The following CDH13 variants were observed in gnomAD, a reference collection of about 807,000 sequenced individuals.
CDH13 encodes the protein cadherin-13.
CDH13 carries 24 observed loss-of-function variants against 63.8 expected under a neutral mutation model. That is an observed-to-expected ratio of 0.38 (90% CI 0.27 to 0.53). The LOEUF is 0.53. Among genes scored for constraint, CDH13 ranks in the 20% least tolerant of loss-of-function variants. The pLI is 0.85. For synonymous variants in CDH13, 503 were observed against 355.3 expected (o/e 1.42, Z -4.67); for missense variants, 1,049 against 903.1 (o/e 1.16, Z -2.07).
chr16:83,215,692 G>A (rs1272171960), intron 4 of CDH13, among the ~76,000 whole-genome samples: 1 of 152,044 alleles, frequency 6.6e-6, no homozygotes. Context: ...TTAGGAGAGG[G>A]CAGGTTTCCT....
intron 5 of CDH13, among the ~76,000 whole-genome samples, chr16:83,331,583 T>A (rs9652671): frequency 0.4 from 60,932 of 152,096 alleles, 12,528 homozygotes; most frequent in East Asian, 0.48. Context: ...TTTTTTAACT[T>A]TGAAATTAAC....
At chr16:83,782,340 G>A (rs1008038624) in intron 12 of CDH13, among the ~76,000 whole-genome samples, 5 of 152,110 alleles carry the variant, frequency 3.3e-5, no homozygotes, top group African/African-American at 9.7e-5. Flanking sequence ...TATTGCCACC[G>A]CACATGACAT....
intron 11 of CDH13, among the ~76,000 whole-genome samples, chr16:83,779,098 C>G (rs1025414332): frequency 6.6e-6 from 1 of 152,054 alleles, no homozygotes; most frequent in Non-Finnish European, 1.5e-5. Context: ...AGTATTAAGC[C>G]TAAAGAACTT....
At chr16:82,665,142 C>G (rs1912435660) in intron 1 of CDH13, among the ~76,000 whole-genome samples, 1 of 152,138 alleles carries the variant, frequency 6.6e-6, no homozygotes, top group Admixed American at 6.5e-5. Context: ...ATACTACAAA[C>G]AAATATCCTT....
chr16:83,705,805 A>G (rs1298336222), intron 10 of CDH13, among the ~76,000 whole-genome samples: 1 of 152,168 alleles, frequency 6.6e-6, no homozygotes, highest in African/African-American at 2.4e-5. Flanking sequence ...AGAGGAGGGA[A>G]TGTTGGGTCA....
At chr16:82,770,927 T>G (rs1248543609) in intron 1 of CDH13, among the ~76,000 whole-genome samples, 1 of 152,184 alleles carries the variant, frequency 6.6e-6, no homozygotes, top group African/African-American at 2.4e-5. Context: ...AGGCTGGTCT[T>G]GAACTACTAA....
intron 2 of CDH13, among the ~76,000 whole-genome samples, chr16:83,021,899 G>A (rs1915381860): frequency 6.6e-6 from 1 of 152,190 alleles, no homozygotes; most frequent in Admixed American, 6.5e-5. Flanking sequence ...CAAGTCTGTA[G>A]GGTGTGCTTC....
At chr16:83,777,522 G>C (rs563519586) in intron 11 of CDH13, among the ~76,000 whole-genome samples, 1 of 152,250 alleles carries the variant, frequency 6.6e-6, no homozygotes, top group Admixed American at 6.5e-5. Context: ...GGACACAGCT[G>C]CTGCTGTAAA....
chr16:82,853,946 GC>G (rs1452133519), intron 1 of CDH13, among the ~76,000 whole-genome samples: 1 of 152,196 alleles, frequency 6.6e-6, no homozygotes, highest in African/African-American at 2.4e-5. Flanking sequence ...GAAAGGGCTT[GC>G]CTGGTTTTGG....
intron 5 of CDH13, among the ~76,000 whole-genome samples, chr16:83,313,322 A>G (rs1039737740): frequency 1.3e-5 from 2 of 152,138 alleles, no homozygotes; most frequent in Non-Finnish European, 2.9e-5. Context: ...GAAATTGTGG[A>G]TTCTGCAAAT....
intron 1 of CDH13, among the ~76,000 whole-genome samples, chr16:82,770,581 T>C (rs1041111383): frequency 2.0e-5 from 3 of 152,260 alleles, no homozygotes; most frequent in Non-Finnish European, 4.4e-5. Context: ...CTTTGAGTTA[T>C]ATTGACATTC....
At chr16:83,589,690 T>C (rs940885787) in intron 7 of CDH13, among the ~76,000 whole-genome samples, 1 of 152,078 alleles carries the variant, frequency 6.6e-6, no homozygotes, top group African/African-American at 2.4e-5. Flanking sequence ...GAACCTGACA[T>C]TGAGCATCTC....
chr16:83,165,447 C>G (rs1377088544), intron 4 of CDH13, among the ~76,000 whole-genome samples: 2 of 152,060 alleles, frequency 1.3e-5, no homozygotes, highest in African/African-American at 2.4e-5. Flanking sequence ...TTATGCAAAA[C>G]CTATTAACAT....
At chr16:83,703,024 A>C (rs1452825956) in intron 10 of CDH13, among the ~76,000 whole-genome samples, 1 of 152,188 alleles carries the variant, frequency 6.6e-6, no homozygotes, top group Admixed American at 6.5e-5. Flanking sequence ...TGCCTCTGCT[A>C]TGGAGCCTAT....
intron 2 of CDH13, among the ~76,000 whole-genome samples, chr16:82,898,145 TGGTC>T (rs2041332308): frequency 6.6e-6 from 1 of 152,274 alleles, no homozygotes; most frequent in African/African-American, 2.4e-5. Flanking sequence ...TGATAGTTTT[TGGTC>T]ATATAATGTT....
chr16:83,194,333 A>C (rs1460946264), intron 4 of CDH13, among the ~76,000 whole-genome samples: 1 of 152,242 alleles, frequency 6.6e-6, no homozygotes, highest in African/African-American at 2.4e-5. Context: ...TTAGCAGCGC[A>C]GATCCAGCGT....
At chr16:83,759,936 T>TAAAAAAAA (rs11329988) in intron 11 of CDH13, among the ~76,000 whole-genome samples, 20 of 133,356 alleles carry the variant, frequency 1.5e-4, no homozygotes, top group African/African-American at 2.3e-4. Flanking sequence ...TCAAAACCAA[T>TAAAAAAAA]AAAAAAAAAA....
At chr16:82,795,473 A>G (rs1305341741) in intron 1 of CDH13, among the ~76,000 whole-genome samples, 1 of 152,198 alleles carries the variant, frequency 6.6e-6, no homozygotes, top group Non-Finnish European at 1.5e-5. Context: ...AACAGTGACA[A>G]CTAACATTTT....
At chr16:83,158,277 G>A (rs948738315) in intron 4 of CDH13, among the ~76,000 whole-genome samples, 1 of 152,130 alleles carries the variant, frequency 6.6e-6, no homozygotes. Context: ...CAACAAGATT[G>A]TTTCCTGCTC....
Sources: allele counts gnomAD v4.1 joint callset (sites outside exome capture counted in the v4.1 genomes callset), GRCh38; gene constraint gnomAD v4.1.1; transcripts MANE v1.5; gene names NCBI Gene and HGNC (gene_info 2026-07-23, HGNC 2026-07-21).